Variants in ITPRID2 observed in about 807,000 individuals in gnomAD.
The protein encoded by ITPRID2 is ITPR interacting domain containing 2, also known as protein ITPRID2.
ITPRID2 carries 60 observed loss-of-function variants against 124.3 expected under a neutral mutation model. The ratio of observed to expected loss-of-function variants is 0.48; its 90% CI spans 0.39 to 0.60. The LOEUF (loss-of-function observed/expected upper bound fraction) is 0.60. Among genes scored for constraint, ITPRID2 ranks in the 20% least tolerant of loss-of-function variants. The pLI is 0.00. For missense variants in ITPRID2, 1,553 were observed against 1,512.2 expected, an observed-to-expected ratio of 1.03 and a Z score of -0.45; for synonymous variants, 521 against 542.9, an observed-to-expected ratio of 0.96 and a Z score of 0.56.
At position 181,915,930 on chromosome 2, in the gene ITPRID2, A is replaced by G; in HGVS notation, c.2290A>G (p.Thr764Ala). Residue 764 changes from threonine (T) to alanine (A), a missense_variant, in exon 11 of 18, where the codon ACC (threonine) becomes GCC (alanine). By Grantham distance (58) the Thr-to-Ala change is moderately conservative. Transcript: ENST00000431877. Reference protein sequence around the residue: ...VNVRLSPGKETRCSPPSFTYK... With the variant: ...VNVRLSPGKEARCSPPSFTYK... ...TGTTCGATTATCTCCAGGAAAAGAG[A>G]CCAGATGCAGCCCACCTTCCTTCAC... 1 of 1,614,190 alleles carries G rather than the reference A, an allele frequency of 6.2e-7. No homozygotes were observed. Among genetic ancestry groups the G allele is most frequent in the Non-Finnish European group, 8.5e-7 (1 of 1,180,032 alleles).
intron 6 of ITPRID2, among the ~76,000 whole-genome samples, chr2:181,900,076 G>T (rs1169803323): frequency 6.6e-6 from 1 of 152,144 alleles, no homozygotes; most frequent in Non-Finnish European, 1.5e-5. Flanking sequence ...AGAGAGAAGG[G>T]ATACTAAATA....
chr2:181,901,033 C>G (rs911071345), intron 7 of ITPRID2, 129 bp downstream of exon 7: 1 of 698,486 alleles, frequency 1.4e-6, no homozygotes, highest in African/African-American at 1.8e-5. Context: ...ACGCAAAAGC[C>G]ATTTTTACAT....
At position 181,928,219 on chromosome 2, in the gene ITPRID2, C is replaced by T; in HGVS notation, c.3734C>T (p.Ala1245Val). Residue 1245 changes from alanine (A) to valine (V), a missense_variant, in exon 17 of 18, where the codon GCA becomes GTA. Transcript: ENST00000431877. ...RREIVSGLLA[A>V]VSSSKASNSK... ...GAAATTGTAAGTGGACTTTTGGCAG[C>T]AGTATCTTCAAGTAAAGCGTCTAAT... is the stretch of plus-strand genomic sequence containing the variant. 6.4e-7 allele frequency: 1 copy of T among 1,550,852 alleles called. No individual in the cohort carries two copies. Among genetic ancestry groups the T allele is most frequent in the Non-Finnish European group, 8.7e-7 (1 of 1,146,556 alleles).
At position 181,929,834 on chromosome 2, in the gene ITPRID2, A is replaced by T; in HGVS notation, c.*287A>T. ...ATTTTTCATTTGATTCCCTATTAGA[A>T]TTAATTTTAAAACTTGAAGACTTCC... On this transcript the variant is annotated 3_prime_UTR_variant, in exon 18 of 18. Transcript: ENST00000431877. 2.4e-6 allele frequency: 1 copy of T among 413,148 alleles called. No individual in the cohort carries two copies. The allele number at this position is 413,148 out of a possible 1,614,324, so 25.6% of individuals were successfully genotyped here. A position where few individuals can be genotyped will look rare whatever the true frequency, so the allele number is the denominator to read the frequency against.
In ITPRID2 at chr2:181,930,344, A is replaced by C. The variant is rs544584826; in HGVS notation, c.*797A>C. On this transcript the variant is annotated 3_prime_UTR_variant, in exon 18 of 18. Coordinates refer to ENST00000431877, the MANE Select transcript of ITPRID2 (RefSeq NM_001130445.3). ...ATAATGGGGCCTATGACTTGAATGAATAGAAATGAATAAGCTGGTGTTTGT... is the reference window on the plus strand; with the variant it reads ...ATAATGGGGCCTATGACTTGAATGACTAGAAATGAATAAGCTGGTGTTTGT... 2.6e-4 allele frequency: 40 copies of C among 152,708 alleles called. No individual in the cohort carries two copies. Among genetic ancestry groups the C allele is most frequent in the Non-Finnish European group, 5.0e-4 (34 of 67,978 alleles). 9.5% of individuals were successfully genotyped at this position (152,708 alleles called of 1,614,324 possible).
chr2:181,900,763 C>A lies in ITPRID2; in HGVS notation c.571C>A (p.Arg191Ser), dbSNP rs140565496. The change falls in exon 7 of 18, where the codon CGT becomes AGT. Residue 191 changes from arginine to serine, a missense_variant. By Grantham distance (110) the Arg-to-Ser change is moderately radical. Coordinates refer to ENST00000431877, the MANE Select transcript of ITPRID2 (RefSeq NM_001130445.3). ...EEILYNLGFG[R>S]DEPDIASKIP... Reference sequence around the variant, plus strand: ...AATTCTTTATAATCTTGGATTTGGACGTGATGAACCAGATATTGCTTCTAA... The same window carrying A: ...AATTCTTTATAATCTTGGATTTGGAAGTGATGAACCAGATATTGCTTCTAA... 6.2e-7 allele frequency: 1 copy of A among 1,613,030 alleles called. No homozygotes were observed. The highest frequency in any genetic ancestry group is 8.5e-7 in the Non-Finnish European group (1 of 1,179,530).
At chr2:181,928,769 G>A (rs904402894) in intron 17 of ITPRID2, among the ~76,000 whole-genome samples, 2 of 152,080 alleles carry the variant, frequency 1.3e-5, no homozygotes, top group Non-Finnish European at 2.9e-5. Flanking sequence ...GGGACTACAG[G>A]CGCCAGCCAC....
At position 181,910,638 on chromosome 2, in the gene ITPRID2, G is replaced by A. The variant is rs1240383922; in HGVS notation, c.1486+667G>A. 4.4e-6 allele frequency: 3 copies of A among 686,854 alleles called. No individual in the cohort carries two copies. The highest frequency in any genetic ancestry group is 8.1e-6 in the Non-Finnish European group (3 of 372,562). The allele number at this position is 686,854 out of a possible 1,614,324, so 42.5% of individuals were successfully genotyped here. ...GAAAATGACCACTGAAGGTAGGACT[G>A]TTTATTTTTGAAACTTTACACATGC... On this transcript the variant is annotated intron_variant, in intron 9 of 17. Transcript: ENST00000431877. This position sits in a 1 kb window ranked among gnomAD's most constrained non-coding sequence, Gnocchi z 4.1.
intron 11 of ITPRID2, 69 bp downstream of exon 11, chr2:181,916,496 G>T: frequency 6.6e-7 from 1 of 1,526,196 alleles, no homozygotes; most frequent in South Asian, 1.3e-5. Context: ...AATTCACAGA[G>T]AAGCTAAGGC....
intron 15 of ITPRID2, 22 bp from the exon 16 acceptor site, chr2:181,921,926 A>G (rs754809021): frequency 6.3e-7 from 1 of 1,592,956 alleles, no homozygotes; most frequent in South Asian, 1.1e-5. Context: ...AGAGAAGAAT[A>G]ACATTTTTTT....
rs1346499772 is a variant in ITPRID2, at chr2:181,915,730, G to A, written c.2090G>A (p.Arg697Lys). The A allele has an allele frequency of 6.2e-7, 1 of 1,613,940 alleles. No individual in the cohort carries two copies. Among genetic ancestry groups the A allele is most frequent in the Non-Finnish European group, 8.5e-7 (1 of 1,180,036 alleles). The change falls in exon 11 of 18, where the codon AGA (arginine) becomes AAA (lysine). Residue 697 changes from arginine to lysine, a missense_variant. Physicochemically the swap from Arg to Lys is conservative, Grantham distance 26. Coordinates refer to ENST00000431877, the MANE Select transcript of ITPRID2 (RefSeq NM_001130445.3). ...GACAGAGTTAATACAGCTTTGCAAA[G>A]AGCTCAAATGAAGGTTTGCAGTCTG... ...SMDRVNTALQ[R>K]AQMKVCSLSN...
Position 181,929,640 on chromosome 2 carries a change from A to G in ITPRID2, c.*93A>G. 1 of 1,612,264 alleles carries G rather than the reference A, an allele frequency of 6.2e-7. No homozygotes were observed. The highest frequency in any genetic ancestry group is 8.5e-7 in the Non-Finnish European group (1 of 1,178,658). ...GGTGGAGGTGTTATTTGTGCTTTAG[A>G]AGATACTTGCTGTTGAGCTGGGCTA... is the stretch of plus-strand genomic sequence containing the variant. On this transcript the variant is annotated 3_prime_UTR_variant, in exon 18 of 18. Transcript: ENST00000431877.
intron 9 of ITPRID2, 93 bp from the exon 10 acceptor site, chr2:181,913,745 ATCATATC>A: frequency 4.0e-6 from 3 of 744,098 alleles, no homozygotes; most frequent in Non-Finnish European, 6.4e-6. Context: ...TCTGCTGGGA[ATCATATC>A]TCTGTAGTAA....
In ITPRID2 at chr2:181,910,578, T is replaced by G. The variant is rs776539585; in HGVS notation, c.1486+607T>G. ...TGTGTGATCTTTGGATTTACAAAAC[T>G]TTTGAGCTTTAGAGAAAGGGAAAGA... On this transcript the variant is annotated intron_variant, in intron 9 of 17. Coordinates refer to ENST00000431877, the MANE Select transcript of ITPRID2 (RefSeq NM_001130445.3). The surrounding 1 kb of genome is among the most constrained non-coding windows in gnomAD (Gnocchi z 4.1). The G allele has an allele frequency of 1.4e-6, 1 of 694,430 alleles. No individual in the cohort carries two copies. The highest frequency in any genetic ancestry group is 2.7e-6 in the Non-Finnish European group (1 of 377,348). The allele number at this position is 694,430 out of a possible 1,614,324, so 43.0% of individuals were successfully genotyped here.
intron 15 of ITPRID2, among the ~76,000 whole-genome samples, chr2:181,921,061 G>A (rs544544340): frequency 4.1e-4 from 62 of 152,360 alleles, no homozygotes; most frequent in Admixed American, 2.5e-3. Context: ...ATATGTGCCT[G>A]TAGTCCCAGT....
At chr2:181,913,090 C>T (rs367739768) in intron 9 of ITPRID2, among the ~76,000 whole-genome samples, 2 of 151,022 alleles carry the variant, frequency 1.3e-5, no homozygotes, top group Non-Finnish European at 2.9e-5. Flanking sequence ...TTTTTTGAGA[C>T]GGAGTCTTGC....
At chr2:181,895,759 C>T (rs1032477900) in intron 2 of ITPRID2, among the ~76,000 whole-genome samples, 1 of 151,956 alleles carries the variant, frequency 6.6e-6, no homozygotes, top group African/African-American at 2.4e-5. Context: ...AATGCCAATT[C>T]AAATCATTTG....
In ITPRID2 at chr2:181,915,938, C is replaced by G; in HGVS notation, c.2298C>G (p.Cys766Trp). 2 of 1,614,236 alleles carry G rather than the reference C, an allele frequency of 1.2e-6. No individual in the cohort carries two copies. Among genetic ancestry groups the G allele is most frequent in the Non-Finnish European group, 1.7e-6 (2 of 1,180,050 alleles). ...VRLSPGKETR[C>W]SPPSFTYKYT... is the part of the protein sequence containing the mutation. ...TATCTCCAGGAAAAGAGACCAGATG[C>G]AGCCCACCTTCCTTCACCTATAAGT... is the stretch of plus-strand genomic sequence containing the variant. Residue 766 changes from cysteine to tryptophan, a missense_variant, in exon 11 of 18, where the codon TGC (cysteine) becomes TGG (tryptophan). Physicochemically the swap from Cys to Trp is radical, Grantham distance 215. Coordinates refer to ENST00000431877, the MANE Select transcript of ITPRID2 (RefSeq NM_001130445.3).
chr2:181,894,921 C>T (rs1465476294), intron 2 of ITPRID2, among the ~76,000 whole-genome samples: 1 of 152,046 alleles, frequency 6.6e-6, no homozygotes, highest in Non-Finnish European at 1.5e-5. Context: ...ACAATGTTTA[C>T]ATCCAAGAAA....
Sources: gnomAD v4.1 joint callset for allele counts (sites outside exome capture counted in the v4.1 genomes callset) on GRCh38, gnomAD v4.1.1 for gene constraint, Gnocchi (gnomAD v3.1) non-coding constraint, MANE v1.5 for transcripts, NCBI Gene and HGNC (gene_info 2026-07-23, HGNC 2026-07-21) for gene names.